ZNF814: variants seen among roughly 807,000 people sequenced by gnomAD.
ZNF814 encodes the protein zinc finger protein 814.
ZNF814 carries 5 observed loss-of-function variants against 7.5 expected under a neutral mutation model. That is an observed-to-expected ratio of 0.67 (90% confidence interval 0.35 to 1.40). The LOEUF (loss-of-function observed/expected upper bound fraction) is 1.40, where lower values mean the gene tolerates loss of function less well. ZNF814 is among the 40% of genes most tolerant of loss of function. The pLI is 0.04. For missense variants in ZNF814, 962 were observed against 1,018.0 expected (o/e 0.94, Z 0.75); for synonymous variants, 315 against 340.7 (o/e 0.92, Z 0.83).
chr19:57,876,838 G>A, intron 2 of ZNF814, 78 bp downstream of exon 2: 9 of 1,589,804 alleles, frequency 5.7e-6, no homozygotes, highest in Non-Finnish European at 6.9e-6. Context: ...CTCCTGACAT[G>A]AGAAAGTCTT....
rs776338240 is a variant in ZNF814 at position 57,873,792 on chromosome 19, C to G, written c.1598G>C (p.Gly533Ala). 4 of 1,614,002 alleles carry G rather than the reference C, an allele frequency of 2.5e-6. No individual in the cohort carries two copies. Among genetic ancestry groups the G allele is most frequent in the Non-Finnish European group, 3.4e-6 (4 of 1,179,978 alleles). Reference protein sequence around the residue: ...GECGKSFSSKGHLRNHQQIHT... With the variant: ...GECGKSFSSKAHLRNHQQIHT... ...AATTTGCTGATGGTTCCTAAGATGTCCTTTTGAACTAAATGATTTCCCACA... is the reference window on the plus strand; with the variant it reads ...AATTTGCTGATGGTTCCTAAGATGTGCTTTTGAACTAAATGATTTCCCACA... The change falls in exon 3 of 3, where the codon GGA (glycine) becomes GCA (alanine). Residue 533 changes from glycine (G) to alanine (A), a missense_variant. Gly to Ala is a moderately conservative substitution (Grantham distance 60, BLOSUM62 0). Coordinates refer to ENST00000435989, the MANE Select transcript of ZNF814 (RefSeq NM_001144989.2).
chr19:57,872,442 T>C lies in ZNF814; in HGVS notation c.*380A>G, dbSNP rs1290624820. On this transcript the variant is annotated 3_prime_UTR_variant, in exon 3 of 3. Coordinates refer to ENST00000435989, the MANE Select transcript of ZNF814 (RefSeq NM_001144989.2). ...TAAGGCCCTGATCCAGTGTTAACTC[T>C]GATCTTGAAGGAGCAAAGAGGTGTG... The C allele has an allele frequency of 2.0e-5, 7 of 356,236 alleles. No individual in the cohort carries two copies. The highest frequency in any genetic ancestry group is 2.1e-5 in the African/African-American group (1 of 48,442). 22.1% of individuals were successfully genotyped at this position (356,236 alleles called of 1,614,324 possible). A position where few individuals can be genotyped will look rare whatever the true frequency, so the allele number is the denominator to read the frequency against.
chr19:57,894,894 A>G, the ZNF814 span, among the ~76,000 whole-genome samples: 2 of 152,170 alleles, frequency 1.3e-5, no homozygotes, highest in Non-Finnish European at 2.9e-5. Context: ...TAGCTGTTAA[A>G]TACCAAACCT....
Position 57,869,942 on chromosome 19 carries a change from C to CCAAAAAAAAAAAAAAA in ZNF814, c.*2879_*2880insTTTTTTTTTTTTTTTG. On this transcript the variant is annotated 3_prime_UTR_variant, in exon 3 of 3. Coordinates refer to ENST00000435989, the MANE Select transcript of ZNF814 (RefSeq NM_001144989.2). The stretch of plus-strand genomic sequence containing the variant: ...CCTGGCTGACAGTGAGACTCTGTCT[C>CCAAAAAAAAAAAAAAA]AAAAAAAAAAAAAAAAGGTTGGGCA... The CCAAAAAAAAAAAAAAA allele has an allele frequency of 7.5e-6, 1 of 133,384 alleles. No homozygotes were observed. Among genetic ancestry groups the CCAAAAAAAAAAAAAAA allele is most frequent in the African/African-American group, 3.0e-5 (1 of 33,364 alleles). The allele number at this position is 133,384 out of a possible 1,614,324, so 8.3% of individuals were successfully genotyped here. A position where few individuals can be genotyped will look rare whatever the true frequency, so the allele number is the denominator to read the frequency against.
chr19:57,878,720 A>G (rs1171717360), intron 1 of ZNF814, among the ~76,000 whole-genome samples: 1 of 152,056 alleles, frequency 6.6e-6, no homozygotes, highest in Non-Finnish European at 1.5e-5. Context: ...CAGCCTACTA[A>G]AGTGCCGGGA....
intron 1 of ZNF814, 23 bp from the exon 2 acceptor site, chr19:57,877,065 A>G (rs1201024483): frequency 1.4e-5 from 23 of 1,613,112 alleles, no homozygotes; most frequent in Non-Finnish European, 2.0e-5. Flanking sequence ...TGACAGATGA[A>G]ACTACAAACT....
At position 57,873,228 on chromosome 19, in the gene ZNF814, C is replaced by A; in HGVS notation, c.2162G>T (p.Cys721Phe). 6.2e-7 allele frequency: 1 copy of A among 1,608,366 alleles called. No individual in the cohort carries two copies. The highest frequency in any genetic ancestry group is 8.5e-7 in the Non-Finnish European group (1 of 1,177,382). The part of the protein sequence containing the change: ...NGEKPYACEA[C>F]QKFFRNKYQL... The stretch of plus-strand genomic sequence containing the variant: ...GTACTTGTTTCTAAAAAATTTCTGA[C>A]AAGCTTCACAAGCATATGGCTTTTC... Residue 721 changes from cysteine to phenylalanine, a missense_variant, in exon 3 of 3, where the codon TGT (cysteine) becomes TTT (phenylalanine). This residue lies in a region of ZNF814 where 665 missense variants were observed against 551.4 expected (regional missense o/e 1.21). Transcript: ENST00000435989.
the ZNF814 span, among the ~76,000 whole-genome samples, chr19:57,897,433 C>T: frequency 6.6e-6 from 1 of 152,146 alleles, no homozygotes; most frequent in Non-Finnish European, 1.5e-5. Flanking sequence ...AAACTATTAC[C>T]ATCAATCAAC....
At chr19:57,887,624 G>C (rs1433262312) in intron 1 of ZNF814, among the ~76,000 whole-genome samples, 2 of 152,176 alleles carry the variant, frequency 1.3e-5, no homozygotes, top group Admixed American at 1.3e-4. Flanking sequence ...GAGAAAGCCA[G>C]ACGAGCTCCA....
Position 57,874,095 on chromosome 19 carries a change from C to A in ZNF814, c.1295G>T (p.Gly432Val), listed in dbSNP as rs2071582656. The A allele has an allele frequency of 6.2e-7, 1 of 1,603,560 alleles. No homozygotes were observed. The highest frequency in any genetic ancestry group is 1.3e-5 in the African/African-American group (1 of 74,626). The change falls in exon 3 of 3, where the codon GGA becomes GTA. Residue 432 changes from glycine to valine, a missense_variant. Gly to Val is a moderately radical substitution (Grantham distance 109). Transcript: ENST00000435989. ...TTCTTCACACCCATAAGGTTTTTCT[C>A]CAGTGTGAAATCGCTGATGTTGAAT... is the stretch of plus-strand genomic sequence containing the variant. ...SLIQHQRFHT[G>V]EKPYGCEECG...
chr19:57,873,466 TA>T lies in ZNF814; in HGVS notation c.1923del (p.Phe641LeufsTer272), dbSNP rs2071574701. 6.2e-7 allele frequency: 1 copy of T among 1,614,034 alleles called. No individual in the cohort carries two copies. Among genetic ancestry groups the T allele is most frequent in the Admixed American group, 1.7e-5 (1 of 59,994 alleles). On this transcript the variant is annotated frameshift_variant, in exon 3 of 3. Coordinates refer to ENST00000435989, the MANE Select transcript of ZNF814 (RefSeq NM_001144989.2). LOFTEE classifies it low-confidence loss of function (END_TRUNC). ...PYKCGDCGKSFNEKGHLRNHQ... is the reference protein window; with the variant it reads ...PYKCGDCGKSXNEKGHLRNHQ... ...TGATTCCTAAGGTGTCCTTTTTCAT[TA>T]AAAGATTTCCCACAGTCTCCACACT...
chr19:57,883,437 T>C (rs1461544270), intron 1 of ZNF814, among the ~76,000 whole-genome samples: 1 of 150,848 alleles, frequency 6.6e-6, no homozygotes, highest in Non-Finnish European at 1.5e-5. Flanking sequence ...CCAAGGCGGA[T>C]GGATCATGAG....
Position 57,872,874 on chromosome 19 carries a change from T to C in ZNF814, c.2516A>G (p.Lys839Arg), listed in dbSNP as rs550073900. ...CTGGTGTACAAGGAGGTGAGACTTC[T>C]TGTTAAATAATTTCCCACATTTCTC... ...KCEKCGKLFN[K>R]KSHLLVHQSS... Residue 839 changes from lysine to arginine, a missense_variant, in exon 3 of 3, where the codon AAG (lysine) becomes AGG (arginine). Transcript: ENST00000435989. The C allele has an allele frequency of 3.8e-5, 62 of 1,613,304 alleles. No homozygotes were observed. The East Asian group carries it at 1.3e-3, about 34-fold the overall frequency.
chr19:57,878,293 G>A (rs1004970099), intron 1 of ZNF814, among the ~76,000 whole-genome samples: 7 of 151,822 alleles, frequency 4.6e-5, no homozygotes, highest in African/African-American at 1.7e-4. Context: ...TGGCATGCAA[G>A]CTTTGTAAGA....
intron 1 of ZNF814, among the ~76,000 whole-genome samples, chr19:57,887,152 T>C (rs10411513): frequency 0.18 from 27,625 of 152,222 alleles, 4,564 homozygotes; most frequent in African/African-American, 0.44. Context: ...CACACCATTG[T>C]ACTCCTGCCT....
At chr19:57,880,580 C>T (rs1328611408) in intron 1 of ZNF814, among the ~76,000 whole-genome samples, 1 of 146,600 alleles carries the variant, frequency 6.8e-6, no homozygotes, top group African/African-American at 2.7e-5. Flanking sequence ...AAGCTGCACC[C>T]ATCATACCCT....
At chr19:57,904,308 A>G in the ZNF814 span, among the ~76,000 whole-genome samples, 2 of 152,070 alleles carry the variant, frequency 1.3e-5, no homozygotes, top group African/African-American at 2.4e-5. Context: ...TTGATTACCA[A>G]TAAATAGTGT....
chr19:57,877,103 T>C (rs1442329595), intron 1 of ZNF814, 61 bp from the exon 2 acceptor site: 1 of 1,597,996 alleles, frequency 6.3e-7, no homozygotes, highest in Non-Finnish European at 8.5e-7. Flanking sequence ...TCACAATCCA[T>C]CTCTCCCACA....
the ZNF814 span, among the ~76,000 whole-genome samples, chr19:57,901,083 G>A: frequency 1.3e-5 from 2 of 151,434 alleles, no homozygotes; most frequent in African/African-American, 2.4e-5. Flanking sequence ...TGATCCGCCC[G>A]CCTTGGCCTC....
Sources: gnomAD v4.1 joint callset for allele counts (sites outside exome capture counted in the v4.1 genomes callset) on GRCh38, gnomAD v4.1.1 for gene constraint, gnomAD v4.1.1 regional missense constraint, MANE v1.5 for transcripts, NCBI Gene and HGNC (gene_info 2026-07-23, HGNC 2026-07-21) for gene names.